AK4: variants seen among roughly 807,000 people sequenced by gnomAD.
The protein encoded by AK4 is adenylate kinase 4, mitochondrial.
A neutral mutation model predicts 24.6 loss-of-function variants in AK4; 13 were observed. The observed-to-expected ratio is 0.53, with a 90% confidence interval of 0.34 to 0.84. AK4 has a LOEUF of 0.84. AK4 is among the 40% of genes least tolerant of loss of function. AK4 has a pLI of 0.01. For missense variants in AK4, 192 were observed against 288.2 expected (o/e 0.67, Z 2.42); for synonymous variants, 88 against 107.0 (o/e 0.82, Z 1.10).
At chr1:65,163,752 A>G (rs1383478709) in intron 1 of AK4, among the ~76,000 whole-genome samples, 1 of 152,108 alleles carries the variant, frequency 6.6e-6, no homozygotes. Context: ...TTTTATTATT[A>G]CTCAAATCAA....
At chr1:65,218,976 A>G in intron 3 of AK4, 50 bp downstream of exon 3, 2 of 1,419,544 alleles carry the variant, frequency 1.4e-6, no homozygotes, top group Non-Finnish European at 1.9e-6. Context: ...AAGACAAACA[A>G]TTTCCATTGA....
intron 1 of AK4, among the ~76,000 whole-genome samples, chr1:65,149,962 A>G (rs979484234): frequency 5.9e-5 from 9 of 152,288 alleles, no homozygotes; most frequent in Admixed American, 2.0e-4. Context: ...TTTTGTGTTT[A>G]GGTTGGGCTT....
intron 2 of AK4, among the ~76,000 whole-genome samples, chr1:65,192,920 C>T (rs758017194): frequency 5.9e-5 from 9 of 152,216 alleles, no homozygotes; most frequent in Non-Finnish European, 1.3e-4. Context: ...CTTCCAGGGC[C>T]TCAGAAGCCC....
At chr1:65,217,435 T>G (rs1425020012) in intron 2 of AK4, among the ~76,000 whole-genome samples, 5 of 152,186 alleles carry the variant, frequency 3.3e-5, no homozygotes, top group African/African-American at 1.2e-4. Flanking sequence ...ATTTAAAGTT[T>G]CTCTTCTGGA....
intron 1 of AK4, among the ~76,000 whole-genome samples, chr1:65,156,478 TA>T (rs1351148803): frequency 4.6e-5 from 7 of 152,246 alleles, no homozygotes; most frequent in Non-Finnish European, 8.8e-5. Context: ...ATATCTGCAT[TA>T]TTTTTTATTG....
In AK4 at chr1:65,148,564, C is replaced by T. The variant is rs1376904251; in HGVS notation, c.145+12C>T. ...CAAGGCCAGCACCGGTGAGGGGCTG[C>T]GGGGACGAGGGCCGGGGGCGAGCCG... On this transcript the variant is annotated intron_variant, in intron 1 of 4. Coordinates refer to ENST00000327299, the MANE Select transcript of AK4 (RefSeq NM_013410.4). 6 of 1,593,462 alleles carry T rather than the reference C, an allele frequency of 3.8e-6. No individual in the cohort carries two copies. Among genetic ancestry groups the T allele is most frequent in the South Asian group, 1.1e-5 (1 of 88,284 alleles).
chr1:65,167,168 G>A (rs1650360179), intron 1 of AK4, among the ~76,000 whole-genome samples: 1 of 152,132 alleles, frequency 6.6e-6, no homozygotes, highest in African/African-American at 2.4e-5. Flanking sequence ...TCATTGTTAA[G>A]AGGGGCAGTT....
At chr1:65,213,546 G>T (rs11208610) in intron 2 of AK4, among the ~76,000 whole-genome samples, 1 of 151,980 alleles carries the variant, frequency 6.6e-6, no homozygotes, top group African/African-American at 2.4e-5. Flanking sequence ...CTGCTGCTGC[G>T]TTTTTATTGA....
chr1:65,218,683 G>A (rs1652204096), intron 2 of AK4, 71 bp from the exon 3 acceptor site: 22 of 1,440,120 alleles, frequency 1.5e-5, no homozygotes, highest in Non-Finnish European at 1.9e-5. Flanking sequence ...TTCTGTCACT[G>A]AAAATGTTTC....
At position 65,218,762 on chromosome 1, in the gene AK4, A is replaced by G; in HGVS notation, c.274A>G (p.Arg92Gly). ...TTGTTCTTTGCATTTAGGTTTTCCTAGGACATTAGGACAAGCCGAAGCCCT... is the reference window on the plus strand; with the variant it reads ...TTGTTCTTTGCATTTAGGTTTTCCTGGGACATTAGGACAAGCCGAAGCCCT... ...GQHWLLDGFP[R>G]TLGQAEALDK... The change falls in exon 3 of 5, where the codon AGG becomes GGG. Residue 92 changes from arginine (R) to glycine (G), a missense_variant. By Grantham distance (125) the Arg-to-Gly change is moderately radical (BLOSUM62 -2). Coordinates refer to ENST00000327299, the MANE Select transcript of AK4 (RefSeq NM_013410.4). 6.3e-6 allele frequency: 10 copies of G among 1,581,156 alleles called. No homozygotes were observed. Among genetic ancestry groups the G allele is most frequent in the African/African-American group, 1.4e-5 (1 of 73,156 alleles).
intron 2 of AK4, among the ~76,000 whole-genome samples, chr1:65,211,983 A>T (rs556508356): frequency 6.6e-6 from 1 of 152,284 alleles, no homozygotes; most frequent in Non-Finnish European, 1.5e-5. Flanking sequence ...CTGAGGATAC[A>T]CATGGGTATC....
At chr1:65,153,539 G>T (rs1021296533) in intron 1 of AK4, among the ~76,000 whole-genome samples, 2 of 152,150 alleles carry the variant, frequency 1.3e-5, no homozygotes, top group African/African-American at 4.8e-5. Flanking sequence ...CCAAAATGCT[G>T]AGATTACAGG....
chr1:65,147,591 G>C (rs953873511), upstream of AK4: 5 of 151,908 alleles, frequency 3.3e-5, no homozygotes, highest in East Asian at 1.9e-4. Flanking sequence ...GGGGCTCCGC[G>C]ACTGGGCGGG....
intron 2 of AK4, among the ~76,000 whole-genome samples, chr1:65,213,238 A>T (rs12093622): frequency 6.6e-6 from 1 of 152,184 alleles, no homozygotes; most frequent in African/African-American, 2.4e-5. Context: ...CTGTAACCCA[A>T]ATGAAACCTC....
chr1:65,152,246 C>G (rs972622275), intron 1 of AK4, among the ~76,000 whole-genome samples: 2 of 149,198 alleles, frequency 1.3e-5, no homozygotes, highest in African/African-American at 4.9e-5. Flanking sequence ...TGGCACATCT[C>G]CATTTGGAAG....
At chr1:65,177,490 T>C (rs1650756957) in intron 1 of AK4, among the ~76,000 whole-genome samples, 1 of 152,230 alleles carries the variant, frequency 6.6e-6, no homozygotes, top group African/African-American at 2.4e-5. Flanking sequence ...AGTTGAGTTT[T>C]GTTGGTGAAG....
chr1:65,180,828 G>A (rs1650879649), intron 1 of AK4, among the ~76,000 whole-genome samples: 1 of 152,160 alleles, frequency 6.6e-6, no homozygotes, highest in African/African-American at 2.4e-5. Context: ...GCACACACGT[G>A]TGCACTGCCA....
intron 1 of AK4, among the ~76,000 whole-genome samples, chr1:65,161,077 T>C (rs1291933557): frequency 6.6e-6 from 1 of 152,096 alleles, no homozygotes. Flanking sequence ...TTTTTGTTGT[T>C]GTTGTTCTGT....
intron 2 of AK4, among the ~76,000 whole-genome samples, chr1:65,209,531 T>C (rs1038338643): frequency 1.3e-5 from 2 of 152,224 alleles, no homozygotes; most frequent in African/African-American, 4.8e-5. Flanking sequence ...GGGATCTTAC[T>C]GGCTGGATAA....
Sources: gnomAD v4.1 joint callset for allele counts (sites outside exome capture counted in the v4.1 genomes callset) on GRCh38, gnomAD v4.1.1 for gene constraint, MANE v1.5 for transcripts, NCBI Gene and HGNC (gene_info 2026-07-23, HGNC 2026-07-21) for gene names.